Variants in CACNA1S observed in about 807,000 individuals in gnomAD.
CACNA1S encodes the protein voltage-dependent L-type calcium channel subunit alpha-1S.
In CACNA1S, 126 loss-of-function variants were observed where a neutral mutation model predicts 207.4. The observed-to-expected ratio is 0.61, with a 90% CI of 0.53 to 0.70. The LOEUF (loss-of-function observed/expected upper bound fraction) is 0.70, where lower values mean the gene tolerates loss of function less well. Among genes scored for constraint, CACNA1S ranks in the 30% least tolerant of loss-of-function variants. The probability of loss-of-function intolerance (pLI) is 0.00; values close to 1 mark genes in which losing one functional copy is unlikely to be tolerated. For missense variants in CACNA1S, 2,349 were observed against 2,422.8 expected (o/e 0.97, Z 0.64); for synonymous variants, 960 against 932.7 (o/e 1.03, Z -0.53).
At chr1:201,054,326 G>C (rs568959708) in intron 29 of CACNA1S, among the ~76,000 whole-genome samples, 179 bp downstream of exon 29, 5 of 152,148 alleles carry the variant, frequency 3.3e-5, no homozygotes, top group Non-Finnish European at 7.4e-5. Flanking sequence ...ATGCACACTT[G>C]ACTGCAGAGC....
rs1662620050 is a variant in CACNA1S at position 201,100,711 on chromosome 1, G to C, written c.259-6690C>G. Among the ~76,000 whole-genome samples the C allele has an allele frequency of 2.0e-5, 3 of 152,200 alleles. No homozygotes were observed. The South Asian group carries it at 6.2e-4, about 32-fold the overall frequency. On this transcript the variant is annotated intron_variant, in intron 2 of 43. Transcript: ENST00000362061. The stretch of plus-strand genomic sequence containing the variant: ...AGGGCTCTGCATGCTCAGGGTGAAG[G>C]GGGCTGGGAGAGAAAGGGAGACCAG...
chr1:201,071,649 TC>T (rs1318034827), intron 16 of CACNA1S, among the ~76,000 whole-genome samples: 1 of 152,136 alleles, frequency 6.6e-6, no homozygotes, highest in Admixed American at 6.6e-5. Context: ...CTTACTTCTT[TC>T]CAGCCCCTTC....
At chr1:201,111,095 A>G (rs2102191835) in intron 1 of CACNA1S, among the ~76,000 whole-genome samples, 1 of 152,254 alleles carries the variant, frequency 6.6e-6, no homozygotes, top group Admixed American at 6.5e-5. Flanking sequence ...GAGGAGAGGG[A>G]GAACCCACAG....
intron 10 of CACNA1S, among the ~76,000 whole-genome samples, chr1:201,080,019 A>C (rs1351109842): frequency 1.3e-5 from 2 of 152,212 alleles, no homozygotes; most frequent in African/African-American, 4.8e-5. Context: ...AAGGTTCAGC[A>C]GGATGAAACA....
At chr1:201,095,807 C>A (rs547773470) in intron 2 of CACNA1S, among the ~76,000 whole-genome samples, 1 of 152,268 alleles carries the variant, frequency 6.6e-6, no homozygotes, top group African/African-American at 2.4e-5. Flanking sequence ...AGGAGAGCTG[C>A]AAAGGGAGGT....
intron 16 of CACNA1S, 76 bp downstream of exon 16, chr1:201,072,679 A>C: frequency 9.5e-7 from 1 of 1,048,006 alleles, no homozygotes; most frequent in Non-Finnish European, 1.5e-6. Context: ...GAGACTGCCC[A>C]TGGGGAGAAT....
chr1:201,071,309 C>A (rs951540159), intron 16 of CACNA1S, among the ~76,000 whole-genome samples: 2 of 152,124 alleles, frequency 1.3e-5, no homozygotes, highest in Non-Finnish European at 2.9e-5. Context: ...TCCAATTTTT[C>A]TGTTCCCCCG....
At chr1:201,110,818 C>A (rs1488193335) in intron 1 of CACNA1S, among the ~76,000 whole-genome samples, 1 of 152,216 alleles carries the variant, frequency 6.6e-6, no homozygotes, top group African/African-American at 2.4e-5. Context: ...TCACACCTCA[C>A]CCCTCCCAGA....
intron 32 of CACNA1S, among the ~76,000 whole-genome samples, chr1:201,051,917 T>C (rs1451536061): frequency 1.3e-5 from 2 of 152,200 alleles, no homozygotes; most frequent in Non-Finnish European, 2.9e-5. Context: ...TCACAGGCCA[T>C]AAGGGCTGCA....
chr1:201,087,787 C>G (rs1403873601), intron 7 of CACNA1S, 39 bp downstream of exon 7: 1 of 1,399,242 alleles, frequency 7.1e-7, no homozygotes, highest in Admixed American at 1.7e-5. Flanking sequence ...CCCTCCTCCT[C>G]TTTCTCTTTT....
intron 12 of CACNA1S, 63 bp downstream of exon 12, chr1:201,076,857 G>T: frequency 1.4e-6 from 2 of 1,474,148 alleles, no homozygotes; most frequent in Non-Finnish European, 1.9e-6. Flanking sequence ...CCTTGATCTT[G>T]AAGGACAAGA....
intron 8 of CACNA1S, 115 bp downstream of exon 8, chr1:201,085,321 C>T: frequency 7.0e-7 from 1 of 1,419,324 alleles, no homozygotes. Flanking sequence ...AGGCAAGTCA[C>T]TCACCCTCAA....
intron 2 of CACNA1S, among the ~76,000 whole-genome samples, chr1:201,107,515 T>C (rs1043006487): frequency 2.6e-5 from 4 of 152,252 alleles, no homozygotes; most frequent in African/African-American, 7.2e-5. Flanking sequence ...TTCACAGTGA[T>C]ATCCCCAGTA....
Position 201,066,984 on chromosome 1 carries a change from A to G in CACNA1S, c.2560T>C (p.Tyr854His). Residue 854 changes from tyrosine (Y) to histidine (H), a missense_variant, in exon 20 of 44, where the codon TAC becomes CAC. Physicochemically the swap from Tyr to His is moderately conservative, Grantham distance 83 (BLOSUM62 2). Transcript: ENST00000362061. This position sits in a 1 kb window ranked among gnomAD's most constrained non-coding sequence, Gnocchi z 4.3. ...GAACCCTTGTGCAGGAAGGCTCCGT[A>G]GGTCGTCATCTGGGGAGAAAGAGGC... Reference protein sequence around the residue: ...TVEIVLKMTTYGAFLHKGSFC... With the variant: ...TVEIVLKMTTHGAFLHKGSFC... 6.2e-7 allele frequency: 1 copy of G among 1,613,378 alleles called. No individual in the cohort carries two copies. The highest frequency in any genetic ancestry group is 2.2e-5 in the East Asian group (1 of 44,884).
intron 16 of CACNA1S, among the ~76,000 whole-genome samples, chr1:201,070,626 T>C (rs1450200178): frequency 6.6e-6 from 1 of 152,146 alleles, no homozygotes; most frequent in Non-Finnish European, 1.5e-5. Context: ...GCCCACAACC[T>C]TCCAGAAGTG....
chr1:201,072,795 G>A lies in CACNA1S; in HGVS notation c.2187C>T (p.Val729=), dbSNP rs770255183. 2.5e-6 allele frequency: 4 copies of A among 1,613,708 alleles called. No homozygotes were observed. The East Asian group carries it at 8.9e-5, about 36-fold the overall frequency. Residue 729 remains valine, a synonymous_variant, in exon 16 of 44, where the codon GTC becomes GTT. Transcript: ENST00000362061. The stretch of plus-strand genomic sequence containing the variant: ...AGGGGTAGGGATCCTTCACCTCATT[G>A]ACATTAGATTCAAACTCATCGATTT... ...KLKIDEFESN[V]NEVKDPYPSA...
intron 10 of CACNA1S, among the ~76,000 whole-genome samples, chr1:201,081,579 T>G (rs1341423404): frequency 2.0e-5 from 3 of 152,254 alleles, no homozygotes; most frequent in Admixed American, 2.0e-4. Flanking sequence ...AACTTCTCAC[T>G]GGCTTTCCAT....
At chr1:201,047,078 G>C (rs761575848) in intron 38 of CACNA1S, 37 bp downstream of exon 38, 7 of 1,613,624 alleles carry the variant, frequency 4.3e-6, no homozygotes, top group South Asian at 2.2e-5. Flanking sequence ...CTGGCTCAGT[G>C]GGGGAGCCCC....
In CACNA1S at chr1:201,039,757, C is replaced by T; in HGVS notation, c.*74G>A. 1 of 1,588,452 alleles carries T rather than the reference C, an allele frequency of 6.3e-7. No individual in the cohort carries two copies. The highest frequency in any genetic ancestry group is 8.5e-7 in the Non-Finnish European group (1 of 1,170,414). ...GGGAGGCTGCTGCGGTGGGCTAGCCCTTCTCCACCCCAGCAACTTCCCCAC... is the reference window on the plus strand; with the variant it reads ...GGGAGGCTGCTGCGGTGGGCTAGCCTTTCTCCACCCCAGCAACTTCCCCAC... On this transcript the variant is annotated 3_prime_UTR_variant, in exon 44 of 44. Coordinates refer to ENST00000362061, the MANE Select transcript of CACNA1S (RefSeq NM_000069.3).
Sources: allele counts gnomAD v4.1 joint callset (sites outside exome capture counted in the v4.1 genomes callset), GRCh38; gene constraint gnomAD v4.1.1; non-coding constraint Gnocchi (gnomAD v3.1); transcripts MANE v1.5; gene names NCBI Gene and HGNC (gene_info 2026-07-23, HGNC 2026-07-21).